SMCHD1: variants seen among roughly 807,000 people sequenced by gnomAD.
SMCHD1 encodes structural maintenance of chromosomes flexible hinge domain-containing protein 1.
In SMCHD1, 78 loss-of-function variants were observed where a neutral mutation model predicts 254.7. The ratio of observed to expected loss-of-function variants is 0.31; its 90% CI spans 0.26 to 0.37. The LOEUF is 0.37. Among genes scored for constraint, SMCHD1 ranks in the 10% least tolerant of loss-of-function variants. The pLI is 1.00. For missense variants in SMCHD1, 1,840 were observed against 2,408.1 expected (o/e 0.76, Z 4.94); for synonymous variants, 766 against 794.9 (o/e 0.96, Z 0.61).
intron 41 of SMCHD1, 82 bp from the exon 42 acceptor site, chr18:2,775,652 A>T: frequency 2.8e-5 from 34 of 1,194,518 alleles, no homozygotes; most frequent in Admixed American, 6.0e-5. Context: ...AGTTTTTGTT[A>T]CCTAGGCTTG....
At chr18:2,689,632 C>G (rs1210695907) in intron 7 of SMCHD1, among the ~76,000 whole-genome samples, 1 of 151,982 alleles carries the variant, frequency 6.6e-6, no homozygotes, top group African/African-American at 2.4e-5. Flanking sequence ...GGTGCTATCA[C>G]AGTTCACAGC....
chr18:2,682,801 T>A (rs2073963295), intron 5 of SMCHD1, among the ~76,000 whole-genome samples: 1 of 152,242 alleles, frequency 6.6e-6, no homozygotes, highest in Non-Finnish European at 1.5e-5. Context: ...TCCAGAGGAC[T>A]GCTGTGGTGT....
chr18:2,668,403 A>G (rs566739230), intron 3 of SMCHD1, among the ~76,000 whole-genome samples: 3 of 152,314 alleles, frequency 2.0e-5, no homozygotes, highest in South Asian at 4.1e-4. Context: ...AGGAAATAAT[A>G]TAGGTAAAGA....
chr18:2,734,261 G>A (rs1281679084), intron 25 of SMCHD1, among the ~76,000 whole-genome samples: 1 of 152,048 alleles, frequency 6.6e-6, no homozygotes, highest in Non-Finnish European at 1.5e-5. Context: ...TGGTGCCAGG[G>A]ATGTGGCTTC....
chr18:2,686,439 A>T (rs1446916046), intron 5 of SMCHD1, among the ~76,000 whole-genome samples: 2 of 152,234 alleles, frequency 1.3e-5, no homozygotes, highest in Non-Finnish European at 2.9e-5. Flanking sequence ...CCTGTATGTT[A>T]AATATGTCAC....
In SMCHD1 at chr18:2,803,995, T is replaced by C. The variant is rs2076407880; in HGVS notation, c.*1443T>C. 1 of 152,216 alleles carries C rather than the reference T, an allele frequency of 6.6e-6. No individual in the cohort carries two copies. Among genetic ancestry groups the C allele is most frequent in the South Asian group, 2.1e-4 (1 of 4,832 alleles). The allele number at this position is 152,216 out of a possible 1,614,324, so 9.4% of individuals were successfully genotyped here. On this transcript the variant is annotated 3_prime_UTR_variant, in exon 48 of 48. Transcript: ENST00000320876. ...CTTATGTGTCATATCTGCGCTCAAA[T>C]GTTTTGAATTTTGGAACATTTCTTG...
At chr18:2,784,164 ACT>A (rs1439461494) in intron 44 of SMCHD1, among the ~76,000 whole-genome samples, 2 of 152,018 alleles carry the variant, frequency 1.3e-5, no homozygotes, top group African/African-American at 4.8e-5. Context: ...AAAGCACAGA[ACT>A]CTCTGGCCTG....
At chr18:2,724,644 G>T (rs1002193929) in intron 20 of SMCHD1, among the ~76,000 whole-genome samples, 9 of 151,926 alleles carry the variant, frequency 5.9e-5, no homozygotes, top group African/African-American at 2.2e-4. Flanking sequence ...TTCAATATGT[G>T]CTATTTTAAT....
chr18:2,728,733 T>C (rs939306570), intron 23 of SMCHD1, 137 bp downstream of exon 23: 8 of 826,862 alleles, frequency 9.7e-6, no homozygotes, highest in South Asian at 7.2e-5. Flanking sequence ...TGGGATCTTA[T>C]TGCCAATAGT....
At chr18:2,801,400 G>A (rs2076360106) in intron 47 of SMCHD1, 1 of 152,126 alleles carries the variant, frequency 6.6e-6, no homozygotes, top group Non-Finnish European at 1.5e-5. Context: ...AAAATTTGGT[G>A]TATTCTGGAC....
At chr18:2,744,183 G>C (rs1447870933) in intron 29 of SMCHD1, among the ~76,000 whole-genome samples, 1 of 152,074 alleles carries the variant, frequency 6.6e-6, no homozygotes, top group Non-Finnish European at 1.5e-5. Flanking sequence ...AGGATTTCAA[G>C]CATGCATAAA....
intron 15 of SMCHD1, 51 bp downstream of exon 15, chr18:2,706,521 T>A: frequency 7.8e-7 from 1 of 1,286,282 alleles, no homozygotes; most frequent in African/African-American, 1.5e-5. Context: ...TTGGAAAGAA[T>A]TGTGCTGTAA....
At chr18:2,699,468 TA>T (rs1450580987) in intron 10 of SMCHD1, among the ~76,000 whole-genome samples, 1 of 152,144 alleles carries the variant, frequency 6.6e-6, no homozygotes, top group Non-Finnish European at 1.5e-5. Flanking sequence ...GCCTCCTGAG[TA>T]ACTGGGACTA....
rs2076394438 is a variant in SMCHD1, at chr18:2,803,207, TATATATATATAA to T, written c.*667_*678del. 1 of 147,076 alleles carries T rather than the reference TATATATATATAA, an allele frequency of 6.8e-6. No homozygotes were observed. The highest frequency in any genetic ancestry group is 1.5e-5 in the Non-Finnish European group (1 of 66,814). 9.1% of individuals were successfully genotyped at this position (147,076 alleles called of 1,614,324 possible). ...GTGTGTGTGTGTGTGTGTATATATA[TATATATATATAA>T]ATATATATATATAAAATATTCAGCA... On this transcript the variant is annotated 3_prime_UTR_variant, in exon 48 of 48. Transcript: ENST00000320876.
In SMCHD1 at chr18:2,729,306, T is replaced by C. The variant is rs944887850; in HGVS notation, c.2945T>C (p.Val982Ala). ...FSGAPNLPVY[V>A]VDCSSSGTSI... ...GGTGCTCCAAACCTTCCAGTCTATG[T>C]TGTAGATTGCAGTAGTTCTGGAACC... Residue 982 changes from valine (V) to alanine (A), a missense_variant, in exon 24 of 48, where the codon GTT becomes GCT. Physicochemically the swap from Val to Ala is moderately conservative, Grantham distance 64. This residue lies in a region of SMCHD1 where 881 missense variants were observed against 1,009.5 expected (regional missense o/e 0.87). Coordinates refer to ENST00000320876, the MANE Select transcript of SMCHD1 (RefSeq NM_015295.3). The C allele has an allele frequency of 6.4e-6, 10 of 1,553,294 alleles. No homozygotes were observed. Among genetic ancestry groups the C allele is most frequent in the African/African-American group, 4.1e-5 (3 of 73,068 alleles).
In SMCHD1 at chr18:2,724,233, T is replaced by C. The variant is rs143851477; in HGVS notation, c.2604-666T>C. On this transcript the variant is annotated intron_variant, in intron 20 of 47. Transcript: ENST00000320876. ...TTCCATTCCTCAGAAAAATTAGGCTTTTCTCCATCATGGTATATTTTTTAC... is the reference window on the plus strand; with the variant it reads ...TTCCATTCCTCAGAAAAATTAGGCTCTTCTCCATCATGGTATATTTTTTAC... 3.4e-4 allele frequency among the ~76,000 whole-genome samples: 52 copies of C among 151,334 alleles called. 1 individual carries two copies. In the East Asian group the frequency reaches 8.5e-3, roughly 25 times the overall value.
intron 23 of SMCHD1, 130 bp downstream of exon 23, chr18:2,728,726 G>A (rs2075074067): frequency 2.1e-6 from 2 of 962,304 alleles, no homozygotes; most frequent in Middle Eastern, 3.2e-4. Context: ...GGATTTGTGG[G>A]ATCTTATTGC....
intron 45 of SMCHD1, among the ~76,000 whole-genome samples, chr18:2,785,684 G>A (rs1441247172): frequency 7.2e-6 from 1 of 138,016 alleles, no homozygotes; most frequent in Non-Finnish European, 1.6e-5. Flanking sequence ...GTTCATTGGT[G>A]TTAAGTGCAT....
At chr18:2,733,701 T>C (rs2075189896) in intron 25 of SMCHD1, among the ~76,000 whole-genome samples, 1 of 152,232 alleles carries the variant, frequency 6.6e-6, no homozygotes, top group Non-Finnish European at 1.5e-5. Flanking sequence ...GATAGTTGTA[T>C]TGGAACAAAT....
Sources: gnomAD v4.1 joint callset for allele counts (sites outside exome capture counted in the v4.1 genomes callset) on GRCh38, gnomAD v4.1.1 for gene constraint, gnomAD v4.1.1 regional missense constraint, MANE v1.5 for transcripts, NCBI Gene and HGNC (gene_info 2026-07-23, HGNC 2026-07-21) for gene names.